The following PCMTD1 variants were observed in gnomAD, a reference collection of about 807,000 sequenced individuals.
PCMTD1 encodes protein-L-isoaspartate O-methyltransferase domain-containing protein 1.
PCMTD1 carries 12 observed loss-of-function variants against 37.6 expected under a neutral mutation model. The observed-to-expected ratio is 0.32, with a 90% CI of 0.20 to 0.52. The LOEUF is 0.52. PCMTD1 is among the 20% of genes least tolerant of loss of function. The probability of loss-of-function intolerance (pLI) is 0.97; values close to 1 mark genes in which losing one functional copy is unlikely to be tolerated. For missense variants in PCMTD1, 235 were observed against 421.3 expected, an observed-to-expected ratio of 0.56 and a Z score of 3.87; for synonymous variants, 117 against 135.8, an observed-to-expected ratio of 0.86 and a Z score of 0.96.
intron 1 of PCMTD1, among the ~76,000 whole-genome samples, chr8:51,877,306 T>C (rs972468692): frequency 2.6e-5 from 4 of 152,158 alleles, no homozygotes; most frequent in African/African-American, 7.2e-5. Flanking sequence ...TCTGTCCTGA[T>C]TGGATAGTAA....
chr8:51,829,567 T>C (rs560851152), intron 5 of PCMTD1, among the ~76,000 whole-genome samples: 1 of 152,224 alleles, frequency 6.6e-6, no homozygotes, highest in African/African-American at 2.4e-5. Flanking sequence ...GGTGGGTGGT[T>C]GGGTCTGCCT....
chr8:51,833,384 AAAT>A, intron 4 of PCMTD1, 131 bp downstream of exon 4: 1 of 47,514 alleles, frequency 2.1e-5, no homozygotes, highest in Non-Finnish European at 2.3e-4. Context: ...TTTTCTAAAC[AAAT>A]AAGATAAATC....
chr8:51,852,833 CAG>C (rs1563347155), intron 2 of PCMTD1, among the ~76,000 whole-genome samples: 2 of 152,084 alleles, frequency 1.3e-5, no homozygotes, highest in Non-Finnish European at 2.9e-5. Flanking sequence ...AGAAAGGAAA[CAG>C]AGGAGAAAGA....
chr8:51,830,586 A>C (rs958903090), intron 5 of PCMTD1, among the ~76,000 whole-genome samples: 1 of 152,136 alleles, frequency 6.6e-6, no homozygotes, highest in African/African-American at 2.4e-5. Flanking sequence ...GTGTAAGAAA[A>C]GCCACCTGAC....
At chr8:51,855,815 A>G (rs2038379959) in intron 2 of PCMTD1, among the ~76,000 whole-genome samples, 1 of 151,916 alleles carries the variant, frequency 6.6e-6, no homozygotes, top group African/African-American at 2.4e-5. Context: ...GCCTGCCACC[A>G]TGCCTGGCTA....
At chr8:51,860,799 A>G in intron 2 of PCMTD1, 46 bp downstream of exon 2, 1 of 1,451,118 alleles carries the variant, frequency 6.9e-7, no homozygotes, top group Non-Finnish European at 9.2e-7. Context: ...ACCATAATAC[A>G]AAATGGCTTA....
chr8:51,868,804 G>C (rs1157442297), intron 1 of PCMTD1, among the ~76,000 whole-genome samples: 7 of 152,108 alleles, frequency 4.6e-5, no homozygotes. Flanking sequence ...TATACTCACT[G>C]ATTTGATGAT....
At chr8:51,826,329 C>G (rs2037920482) in intron 5 of PCMTD1, among the ~76,000 whole-genome samples, 1 of 152,054 alleles carries the variant, frequency 6.6e-6, no homozygotes, top group South Asian at 2.1e-4. Context: ...AACACATGGA[C>G]ACAGGTAGGG....
chr8:51,866,712 AG>A (rs2129288572), intron 1 of PCMTD1, among the ~76,000 whole-genome samples: 1 of 152,136 alleles, frequency 6.6e-6, no homozygotes, highest in East Asian at 1.9e-4. Context: ...CCATTACATT[AG>A]TCTGGGCAAA....
intron 2 of PCMTD1, among the ~76,000 whole-genome samples, chr8:51,859,929 C>G (rs1054782512): frequency 5.3e-5 from 8 of 152,114 alleles, no homozygotes; most frequent in African/African-American, 7.2e-5. Context: ...ACCCCACCCC[C>G]CTAAATAATG....
chr8:51,891,670 C>A (rs956243234), intron 1 of PCMTD1, among the ~76,000 whole-genome samples: 79 of 129,886 alleles, frequency 6.1e-4, no homozygotes, highest in African/African-American at 1.6e-3. Context: ...AAAAAAAAAA[C>A]AAAAAATATA....
intron 2 of PCMTD1, among the ~76,000 whole-genome samples, chr8:51,856,052 A>G (rs879705069): frequency 5.9e-5 from 9 of 152,192 alleles, no homozygotes; most frequent in Admixed American, 3.9e-4. Context: ...CTTTTGGCCT[A>G]AAGTAAGCTA....
At chr8:51,873,017 C>T (rs2038660552) in intron 1 of PCMTD1, among the ~76,000 whole-genome samples, 1 of 152,150 alleles carries the variant, frequency 6.6e-6, no homozygotes, top group Non-Finnish European at 1.5e-5. Context: ...AGGTTAACTA[C>T]AAAGTTTTTG....
intron 1 of PCMTD1, among the ~76,000 whole-genome samples, chr8:51,886,871 G>T (rs1025886908): frequency 1.3e-5 from 2 of 152,110 alleles, no homozygotes. Context: ...GTCTCACTGG[G>T]TTAAGATCAA....
chr8:51,895,393 G>A (rs2038985653), intron 1 of PCMTD1, among the ~76,000 whole-genome samples: 1 of 152,206 alleles, frequency 6.6e-6, no homozygotes, highest in Admixed American at 6.5e-5. Context: ...GCAAGTTACT[G>A]AAGAGTGCTC....
chr8:51,831,613 CAAT>C, intron 4 of PCMTD1, 46 bp from the exon 5 acceptor site: 2 of 1,570,024 alleles, frequency 1.3e-6, no homozygotes, highest in African/African-American at 2.7e-5. Flanking sequence ...TTAATCCCAA[CAAT>C]GTGGTCACCT....
intron 3 of PCMTD1, chr8:51,845,180 A>G (rs904774450): frequency 6.5e-6 from 1 of 152,870 alleles, no homozygotes; most frequent in African/African-American, 2.4e-5. Context: ...CCAATTTCTT[A>G]TTAACAATCC....
At chr8:51,850,245 T>C (rs1178184751) in intron 2 of PCMTD1, among the ~76,000 whole-genome samples, 2 of 152,140 alleles carry the variant, frequency 1.3e-5, no homozygotes, top group East Asian at 1.9e-4. Flanking sequence ...ATGTAAAACT[T>C]TGCACACTAT....
At chr8:51,876,683 C>A (rs566828900) in intron 1 of PCMTD1, among the ~76,000 whole-genome samples, 1 of 152,220 alleles carries the variant, frequency 6.6e-6, no homozygotes, top group East Asian at 1.9e-4. Flanking sequence ...GATAAAGAAG[C>A]CAGCTTGAAG....
Sources: gnomAD v4.1 joint callset for allele counts (sites outside exome capture counted in the v4.1 genomes callset) on GRCh38, gnomAD v4.1.1 for gene constraint, MANE v1.5 for transcripts, NCBI Gene and HGNC (gene_info 2026-07-23, HGNC 2026-07-21) for gene names.